The following GRM7 variants were observed in gnomAD, a reference collection of about 807,000 sequenced individuals.
The protein encoded by GRM7 is metabotropic glutamate receptor 7.
A neutral mutation model predicts 84.5 loss-of-function variants in GRM7; 35 were observed. The ratio of observed to expected loss-of-function variants is 0.41; its 90% CI spans 0.32 to 0.55. GRM7 has a LOEUF of 0.55. Ranked by LOEUF, GRM7 falls within the 20% of genes least tolerant of loss-of-function variation. The probability of loss-of-function intolerance (pLI) is 0.19; values close to 1 mark genes in which losing one functional copy is unlikely to be tolerated. For missense variants in GRM7, 1,003 were observed against 1,194.6 expected (o/e 0.84, Z 2.36); for synonymous variants, 487 against 455.1 (o/e 1.07, Z -0.89).
chr3:7,463,797 C>T (rs1698350657), intron 7 of GRM7, among the ~76,000 whole-genome samples: 1 of 152,114 alleles, frequency 6.6e-6, no homozygotes, highest in Non-Finnish European at 1.5e-5. Context: ...AAGAGCCATA[C>T]TCATGCAACC....
At chr3:7,082,529 C>T (rs1698307967) in intron 1 of GRM7, among the ~76,000 whole-genome samples, 2 of 152,076 alleles carry the variant, frequency 1.3e-5, no homozygotes, top group South Asian at 2.1e-4. Flanking sequence ...CATTGTGCAG[C>T]CTATGGACCA....
chr3:7,157,403 G>A (rs1363685370), intron 2 of GRM7, among the ~76,000 whole-genome samples: 4 of 151,584 alleles, frequency 2.6e-5, no homozygotes, highest in African/African-American at 9.7e-5. Context: ...TGCACATTTG[G>A]AAAAAAAGAA....
rs533802304 is a variant in GRM7 at position 7,229,063 on chromosome 3, G to T, written c.737-69621G>T. 8.7e-4 allele frequency among the ~76,000 whole-genome samples: 133 copies of T among 152,118 alleles called. 2 individuals are homozygous for T. The highest frequency in any genetic ancestry group is 8.3e-4 in the South Asian group (4 of 4,818). ...CATACAGTGAAATCAGTTGACTTCAGTGCTTATTTCTAATGTCCATTGTGA... is the reference window on the plus strand; with the variant it reads ...CATACAGTGAAATCAGTTGACTTCATTGCTTATTTCTAATGTCCATTGTGA... On this transcript the variant is annotated intron_variant, in intron 2 of 9. Transcript: ENST00000357716.
intron 1 of GRM7, among the ~76,000 whole-genome samples, chr3:6,949,277 C>G (rs1489348767): frequency 6.6e-6 from 1 of 152,116 alleles, no homozygotes; most frequent in Non-Finnish European, 1.5e-5. Flanking sequence ...TCAGCATTTG[C>G]TTGTCTGTAA....
At chr3:7,157,093 A>C (rs530874907) in intron 2 of GRM7, among the ~76,000 whole-genome samples, 2 of 152,144 alleles carry the variant, frequency 1.3e-5, no homozygotes, top group African/African-American at 4.8e-5. Context: ...AAGATGACAG[A>C]CTGTGTCTTC....
At chr3:7,414,533 G>A (rs1267624485) in intron 4 of GRM7, among the ~76,000 whole-genome samples, 2 of 152,106 alleles carry the variant, frequency 1.3e-5, no homozygotes, top group African/African-American at 2.4e-5. Flanking sequence ...TGGCGTCCTC[G>A]TCCCTGCTCA....
intron 5 of GRM7, among the ~76,000 whole-genome samples, chr3:7,427,584 C>G (rs1696662213): frequency 6.6e-6 from 1 of 152,062 alleles, no homozygotes; most frequent in Admixed American, 6.6e-5. Context: ...TTTTGTCCAT[C>G]TTTTTAAAAA....
At chr3:7,149,627 C>T (rs1694216420) in intron 2 of GRM7, among the ~76,000 whole-genome samples, 1 of 152,080 alleles carries the variant, frequency 6.6e-6, no homozygotes, top group African/African-American at 2.4e-5. Context: ...AATAAATAAG[C>T]ACACTGGTTA....
At chr3:6,957,960 T>G (rs163421) in intron 1 of GRM7, among the ~76,000 whole-genome samples, 96,314 of 152,044 alleles carry the variant, frequency 0.63, 31,179 homozygotes, top group African/African-American at 0.79. Context: ...AGCTCACCTA[T>G]TTTGGAAGCA....
At chr3:7,215,935 C>G (rs1696594719) in intron 2 of GRM7, among the ~76,000 whole-genome samples, 1 of 152,152 alleles carries the variant, frequency 6.6e-6, no homozygotes, top group African/African-American at 2.4e-5. Flanking sequence ...CCAGTCGTCT[C>G]TCTTTGGAAA....
At chr3:7,510,015 A>G (rs1700150630) in intron 7 of GRM7, among the ~76,000 whole-genome samples, 1 of 152,226 alleles carries the variant, frequency 6.6e-6, no homozygotes, top group Non-Finnish European at 1.5e-5. Flanking sequence ...CTTTTAAGCA[A>G]CAAAAATTGC....
intron 2 of GRM7, among the ~76,000 whole-genome samples, chr3:7,228,226 G>A (rs1697046608): frequency 6.6e-6 from 1 of 152,092 alleles, no homozygotes; most frequent in Admixed American, 6.6e-5. Context: ...TAGGGACTGG[G>A]CAAAGCTAGG....
chr3:7,249,358 C>T (rs1447319910), intron 2 of GRM7, among the ~76,000 whole-genome samples: 1 of 152,028 alleles, frequency 6.6e-6, no homozygotes, highest in Non-Finnish European at 1.5e-5. Context: ...TTTAATTGTG[C>T]TTTCTTTGGC....
intron 9 of GRM7, among the ~76,000 whole-genome samples, chr3:7,706,495 G>C (rs562541332): frequency 6.6e-6 from 1 of 152,212 alleles, no homozygotes; most frequent in African/African-American, 2.4e-5. Flanking sequence ...TGCTTAGAAG[G>C]ACTCCGAAAA....
At chr3:6,953,056 T>C (rs1692856785) in intron 1 of GRM7, among the ~76,000 whole-genome samples, 1 of 152,198 alleles carries the variant, frequency 6.6e-6, no homozygotes, top group Admixed American at 6.5e-5. Context: ...GTTCTCTATA[T>C]TTTAGTGACT....
chr3:6,917,996 T>C (rs1008974881), intron 1 of GRM7, among the ~76,000 whole-genome samples: 1 of 152,176 alleles, frequency 6.6e-6, no homozygotes, highest in Non-Finnish European at 1.5e-5. Context: ...TAAGCTAAGG[T>C]TTCTTTTCAC....
intron 8 of GRM7, among the ~76,000 whole-genome samples, chr3:7,641,752 C>A (rs1045407641): frequency 6.6e-6 from 1 of 152,106 alleles, no homozygotes. Context: ...TTCTGATAAA[C>A]ATTACAAACA....
At chr3:7,039,021 C>A (rs1415826320) in intron 1 of GRM7, among the ~76,000 whole-genome samples, 1 of 152,090 alleles carries the variant, frequency 6.6e-6, no homozygotes, top group South Asian at 2.1e-4. Flanking sequence ...GGAGTGGAAC[C>A]CTATGGTTCA....
At chr3:7,648,803 A>G (rs1255268568) in intron 8 of GRM7, among the ~76,000 whole-genome samples, 1 of 152,196 alleles carries the variant, frequency 6.6e-6, no homozygotes, top group Non-Finnish European at 1.5e-5. Context: ...CAGCCACGGT[A>G]AGACTACAAA....
Sources: gnomAD v4.1 joint callset for allele counts (sites outside exome capture counted in the v4.1 genomes callset) on GRCh38, gnomAD v4.1.1 for gene constraint, MANE v1.5 for transcripts, NCBI Gene and HGNC (gene_info 2026-07-23, HGNC 2026-07-21) for gene names.